Variants in RIPOR2 observed in about 807,000 individuals in gnomAD.
RIPOR2 encodes the protein rho family-interacting cell polarization regulator 2.
Under a neutral mutation model 114.5 loss-of-function variants are expected in RIPOR2, and 39 were observed. The ratio of observed to expected loss-of-function variants is 0.34; its 90% CI spans 0.26 to 0.44. RIPOR2 has a LOEUF of 0.44. Among genes scored for constraint, RIPOR2 ranks in the 20% least tolerant of loss-of-function variants. The pLI is 1.00. For missense variants in RIPOR2, 1,007 were observed against 1,255.1 expected (o/e 0.80, Z 2.99); for synonymous variants, 445 against 484.4 (o/e 0.92, Z 1.07).
chr6:24,966,751 G>A (rs1773545847), intron 1 of RIPOR2, among the ~76,000 whole-genome samples: 1 of 152,164 alleles, frequency 6.6e-6, no homozygotes, highest in African/African-American at 2.4e-5. Flanking sequence ...GCAGCCAGGG[G>A]GAGAATAAGG....
At chr6:24,985,350 G>A (rs1179161927) in intron 1 of RIPOR2, among the ~76,000 whole-genome samples, 1 of 138,842 alleles carries the variant, frequency 7.2e-6, no homozygotes, top group Non-Finnish European at 1.5e-5. Context: ...GGTGGGACCA[G>A]GGGCTCCATA....
At position 25,019,432 on chromosome 6, in the gene RIPOR2, A is replaced by T. The variant is rs540146102; in HGVS notation, c.76+22419T>A. ...CTTTTCTATGAAAATAATCAGGAAC[A>T]TAGCTAATAATTGTATAAAGATATT... On this transcript the variant is annotated intron_variant, in intron 1 of 13. Transcript: ENST00000510784. Among the ~76,000 whole-genome samples the T allele has an allele frequency of 7.2e-5, 11 of 152,344 alleles. No homozygotes were observed. The South Asian group carries it at 2.3e-3, about 32-fold the overall frequency.
chr6:24,993,212 G>A (rs557180990), intron 1 of RIPOR2, among the ~76,000 whole-genome samples: 17 of 152,194 alleles, frequency 1.1e-4, no homozygotes, highest in African/African-American at 4.1e-4. Flanking sequence ...CTTTTGAACG[G>A]TTTTCTCTTT....
chr6:24,902,469 A>C lies in RIPOR2; in HGVS notation c.62-26652T>G, dbSNP rs1768566879. Among the ~76,000 whole-genome samples, 3 of 152,248 alleles carry C rather than the reference A, an allele frequency of 2.0e-5. No individual in the cohort carries two copies. The South Asian group carries it at 6.2e-4, about 32-fold the overall frequency. ...TGACCTCAGGCGATCCACTCGCCTC[A>C]GCCTCCCAAAGTGTAGGGATTACAC... On this transcript the variant is annotated intron_variant, in intron 1 of 21. Coordinates refer to ENST00000643898, the MANE Select transcript of RIPOR2 (RefSeq NM_001286445.3).
chr6:24,951,948 A>G (rs1302399470), intron 1 of RIPOR2, among the ~76,000 whole-genome samples: 1 of 152,220 alleles, frequency 6.6e-6, no homozygotes, highest in Non-Finnish European at 1.5e-5. Flanking sequence ...GTAGTCGTAA[A>G]TATGTAGTGA....
At chr6:24,976,869 T>C (rs369112793) in intron 1 of RIPOR2, 8 of 1,609,070 alleles carry the variant, frequency 5.0e-6, no homozygotes, top group South Asian at 3.3e-5. Context: ...CATGTGGTCT[T>C]TGGCAAAGTG....
intron 1 of RIPOR2, among the ~76,000 whole-genome samples, chr6:25,031,710 T>G (rs1319303665): frequency 2.9e-3 from 56 of 19,088 alleles, no homozygotes; most frequent in African/African-American, 9.2e-3. Flanking sequence ...TATATATATA[T>G]ATATATATAT....
intron 1 of RIPOR2, among the ~76,000 whole-genome samples, chr6:24,983,778 A>AAAAAC (rs1774411838): frequency 6.6e-6 from 1 of 151,224 alleles, no homozygotes; most frequent in Non-Finnish European, 1.5e-5. Flanking sequence ...AAAAAAAAAA[A>AAAAAC]AAAGCCTTGA....
chr6:24,886,774 T>C lies in RIPOR2; in HGVS notation c.62-10957A>G, dbSNP rs1188890479. Among the ~76,000 whole-genome samples the C allele has an allele frequency of 2.6e-5, 4 of 152,252 alleles. 1 individual carries two copies. Among genetic ancestry groups the C allele is most frequent in the Admixed American group, 2.0e-4 (3 of 15,288 alleles). ...TAAAGTGTTGTTGGCCAGTTTCTCC[T>C]ACGGAAAGTTACTATCTTTGCCTTT... is the stretch of plus-strand genomic sequence containing the variant. On this transcript the variant is annotated intron_variant, in intron 1 of 21. Transcript: ENST00000643898.
intron 1 of RIPOR2, among the ~76,000 whole-genome samples, chr6:24,888,510 C>T (rs187732680): frequency 6.6e-6 from 1 of 152,120 alleles, no homozygotes; most frequent in Non-Finnish European, 1.5e-5. Context: ...CTTTGGAAAT[C>T]CTAAACAGAA....
chr6:24,879,393 T>C (rs1562305221), intron 1 of RIPOR2, among the ~76,000 whole-genome samples: 1 of 152,222 alleles, frequency 6.6e-6, no homozygotes, highest in East Asian at 1.9e-4. Flanking sequence ...ATGGAACTGA[T>C]GGCCACTAGG....
intron 7 of RIPOR2, 99 bp from the exon 8 acceptor site, chr6:24,861,135 C>T (rs1362836261): frequency 1.9e-5 from 14 of 729,098 alleles, no homozygotes; most frequent in Non-Finnish European, 2.9e-5. Context: ...GCGTGAACAA[C>T]GAGAAGCATT....
chr6:24,841,623 T>C (rs1040137180), intron 13 of RIPOR2, among the ~76,000 whole-genome samples: 1 of 151,566 alleles, frequency 6.6e-6, no homozygotes, highest in African/African-American at 2.4e-5. Context: ...CCATATTTTT[T>C]TTTTTTTTTT....
chr6:25,008,898 A>G (rs941774156), intron 1 of RIPOR2, among the ~76,000 whole-genome samples: 1 of 152,248 alleles, frequency 6.6e-6, no homozygotes, highest in Non-Finnish European at 1.5e-5. Flanking sequence ...GCAGTTCAGC[A>G]GGTGCTACTT....
intron 13 of RIPOR2, chr6:24,840,544 A>G (rs1581549247): frequency 7.0e-7 from 1 of 1,437,590 alleles, no homozygotes; most frequent in East Asian, 2.5e-5. Flanking sequence ...CAAATTCTGC[A>G]AGTTAGAAGC....
intron 7 of RIPOR2, among the ~76,000 whole-genome samples, chr6:24,862,738 G>C (rs1001555316): frequency 6.6e-6 from 1 of 152,028 alleles, no homozygotes; most frequent in Non-Finnish European, 1.5e-5. Flanking sequence ...TCTGAAAAAC[G>C]TGAGAGCAGC....
At chr6:24,954,726 G>T (rs1295480336) in intron 1 of RIPOR2, among the ~76,000 whole-genome samples, 1 of 152,066 alleles carries the variant, frequency 6.6e-6, no homozygotes, top group Non-Finnish European at 1.5e-5. Context: ...GAGATGACAG[G>T]TGTGAACCAC....
chr6:24,850,478 T>G, intron 10 of RIPOR2, 119 bp downstream of exon 10: 2 of 1,046,514 alleles, frequency 1.9e-6, no homozygotes, highest in East Asian at 2.4e-5. Flanking sequence ...TGTAATAGAC[T>G]TGTGCAGAAA....
At chr6:24,913,988 G>A (rs773639049) in intron 1 of RIPOR2, among the ~76,000 whole-genome samples, 4 of 152,056 alleles carry the variant, frequency 2.6e-5, no homozygotes, top group Non-Finnish European at 5.9e-5. Flanking sequence ...AGAAGAAATC[G>A]TTTAATACAA....
Sources: gnomAD v4.1 joint callset for allele counts (sites outside exome capture counted in the v4.1 genomes callset) on GRCh38, gnomAD v4.1.1 for gene constraint, MANE v1.5 for transcripts, NCBI Gene and HGNC (gene_info 2026-07-23, HGNC 2026-07-21) for gene names.